SLC9A3: variants seen among roughly 807,000 people sequenced by gnomAD.
SLC9A3 encodes the protein sodium/hydrogen exchanger 3.
A neutral mutation model predicts 86.8 loss-of-function variants in SLC9A3; 37 were observed. The ratio of observed to expected loss-of-function variants is 0.43; its 90% confidence interval spans 0.33 to 0.56. The LOEUF is 0.56. Ranked by LOEUF, SLC9A3 falls within the 20% of genes least tolerant of loss-of-function variation. The pLI is 0.06. For synonymous variants in SLC9A3, 581 were observed against 528.3 expected (o/e 1.10, Z -1.37); for missense variants, 1,011 against 1,171.9 (o/e 0.86, Z 2.00).
intron 1 of SLC9A3, among the ~76,000 whole-genome samples, chr5:507,424 C>A (rs1740650952): frequency 6.6e-6 from 1 of 151,498 alleles, no homozygotes; most frequent in South Asian, 2.1e-4. Context: ...CACCACCAGG[C>A]CTGGCTAATT....
At chr5:519,669 C>T (rs1203595628) in intron 1 of SLC9A3, among the ~76,000 whole-genome samples, 2 of 152,174 alleles carry the variant, frequency 1.3e-5, no homozygotes, top group Non-Finnish European at 2.9e-5. Flanking sequence ...CAAGGAAGCA[C>T]CCAGTGCCTC....
intron 11 of SLC9A3, 182 bp downstream of exon 11, chr5:477,150 G>A: frequency 1.8e-6 from 1 of 563,030 alleles, no homozygotes; most frequent in Non-Finnish European, 3.2e-6. Flanking sequence ...CCAGCACTAA[G>A]GGAGTCTGGC....
intron 1 of SLC9A3, among the ~76,000 whole-genome samples, chr5:516,693 A>G (rs2434389): frequency 0.89 from 135,456 of 152,264 alleles, 60,523 homozygotes; most frequent in Non-Finnish European, 0.91. Flanking sequence ...CCCACTCCTG[A>G]GAGAGCTCTG....
Position 471,685 on chromosome 5 carries a change from G to T in SLC9A3, c.*1694C>A. The T allele has an allele frequency of 2.3e-6, 1 of 435,422 alleles. No individual in the cohort carries two copies. The highest frequency in any genetic ancestry group is 1.6e-5 in the South Asian group (1 of 61,758). 27.0% of individuals were successfully genotyped at this position (435,422 alleles called of 1,614,324 possible). On this transcript the variant is annotated 3_prime_UTR_variant, in exon 17 of 17. Coordinates refer to ENST00000264938, the MANE Select transcript of SLC9A3 (RefSeq NM_004174.4). ...TTTGTGCTCAGAGTTGGTTGAAATG[G>T]CTACGAAGTGTGGAGAATAACCACT... is the stretch of plus-strand genomic sequence containing the variant.
At chr5:488,247 A>C in intron 3 of SLC9A3, 69 bp downstream of exon 3, 14 of 1,554,468 alleles carry the variant, frequency 9.0e-6, no homozygotes, top group Non-Finnish European at 1.1e-5. Context: ...TGACTGACCG[A>C]TGGGGGGTGA....
At chr5:485,691 G>A (rs937384387) in intron 3 of SLC9A3, among the ~76,000 whole-genome samples, 3 of 152,276 alleles carry the variant, frequency 2.0e-5, no homozygotes, top group Non-Finnish European at 4.4e-5. Context: ...TCCACGCCCA[G>A]CAAAGTGGTG....
intron 1 of SLC9A3, among the ~76,000 whole-genome samples, chr5:522,499 C>G (rs1448651873): frequency 6.6e-6 from 1 of 152,214 alleles, no homozygotes; most frequent in African/African-American, 2.4e-5. Context: ...GTGGCTCACG[C>G]CTGTCATCCC....
chr5:523,497 G>A (rs1733944499), intron 1 of SLC9A3, among the ~76,000 whole-genome samples: 1 of 151,796 alleles, frequency 6.6e-6, no homozygotes, highest in South Asian at 2.1e-4. Context: ...GAGCTCCTCA[G>A]GAAGCTGACC....
rs755985428 is a variant in SLC9A3, at chr5:488,491, G to A, written c.515-15C>T. ...CTGCAGGTCGCCTGGAAGACAAGCCGGGCCGCGGGGCAGCTGCAGGGCCTG... is the reference window on the plus strand; with the variant it reads ...CTGCAGGTCGCCTGGAAGACAAGCCAGGCCGCGGGGCAGCTGCAGGGCCTG... On this transcript the variant is annotated splice_polypyrimidine_tract_variant and intron_variant, in intron 2 of 16. Transcript: ENST00000264938. 3.1e-5 allele frequency: 47 copies of A among 1,530,404 alleles called. No individual in the cohort carries two copies. The highest frequency in any genetic ancestry group is 1.6e-4 in the South Asian group (13 of 79,812). The allele number at this position is 1,530,404 out of a possible 1,614,324, so 94.8% of individuals were successfully genotyped here.
At chr5:513,930 C>T (rs1412556430) in intron 1 of SLC9A3, among the ~76,000 whole-genome samples, 4 of 152,232 alleles carry the variant, frequency 2.6e-5, no homozygotes, top group African/African-American at 9.6e-5. Flanking sequence ...AGGCGGGCCA[C>T]GCACAGCCAC....
chr5:473,044 C>A lies in SLC9A3; in HGVS notation c.*335G>T, dbSNP rs913870990. On this transcript the variant is annotated 3_prime_UTR_variant, in exon 17 of 17. Coordinates refer to ENST00000264938, the MANE Select transcript of SLC9A3 (RefSeq NM_004174.4). ...GGCAGCGACGCCAGCTTCAGCAGCG[C>A]GGGGCGGCGGCGCGCGCGAGGCCGC... 5 of 353,380 alleles carry A rather than the reference C, an allele frequency of 1.4e-5. No homozygotes were observed. Among genetic ancestry groups the A allele is most frequent in the African/African-American group, 2.2e-5 (1 of 45,440 alleles). 21.9% of individuals were successfully genotyped at this position (353,380 alleles called of 1,614,324 possible). A position where few individuals can be genotyped will look rare whatever the true frequency, so the allele number is the denominator to read the frequency against.
At chr5:475,211 G>C in intron 15 of SLC9A3, 79 bp from the exon 16 acceptor site, 1 of 1,446,770 alleles carries the variant, frequency 6.9e-7, no homozygotes, top group Non-Finnish European at 9.3e-7. Context: ...GCCGTCACCT[G>C]CTGGGTGCCT....
Position 497,803 on chromosome 5 carries a change from C to T in SLC9A3, c.212-5732G>A, listed in dbSNP as rs1297220292. On this transcript the variant is annotated intron_variant, in intron 1 of 16. Coordinates refer to ENST00000264938, the MANE Select transcript of SLC9A3 (RefSeq NM_004174.4). This position sits in a 1 kb window ranked among gnomAD's most constrained non-coding sequence, Gnocchi z 5.4. ...GCATCCCCAGCCTCTGCCCCTGTCC[C>T]GGGTGGGGTCGCCCGGCCGCATCCC... Among the ~76,000 whole-genome samples the T allele has an allele frequency of 2.8e-5, 1 of 35,354 alleles. No homozygotes were observed. Among genetic ancestry groups the T allele is most frequent in the Non-Finnish European group, 6.0e-5 (1 of 16,626 alleles). The allele number at this position is 35,354 out of a possible 152,430, so 23.2% of individuals were successfully genotyped here.
At chr5:486,697 C>G (rs1739487030) in intron 3 of SLC9A3, among the ~76,000 whole-genome samples, 1 of 152,212 alleles carries the variant, frequency 6.6e-6, no homozygotes, top group African/African-American at 2.4e-5. Context: ...GAGTATGGCA[C>G]AGTCAGGTCA....
chr5:481,058 G>A (rs1051451530), intron 9 of SLC9A3, among the ~76,000 whole-genome samples: 3 of 152,076 alleles, frequency 2.0e-5, no homozygotes, highest in East Asian at 1.9e-4. Flanking sequence ...CCTGGCTAAT[G>A]TTTGTATTTT....
chr5:503,369 C>T (rs6420045), intron 1 of SLC9A3, among the ~76,000 whole-genome samples: 130,866 of 152,154 alleles, frequency 0.86, 56,634 homozygotes, highest in Non-Finnish European at 0.9. Context: ...AACCCCTTCT[C>T]GACAAAATAA....
At position 472,041 on chromosome 5, in the gene SLC9A3, A is replaced by G. The variant is rs1277317461; in HGVS notation, c.*1338T>C. 4 of 455,136 alleles carry G rather than the reference A, an allele frequency of 8.8e-6. No individual in the cohort carries two copies. Among genetic ancestry groups the G allele is most frequent in the Non-Finnish European group, 1.8e-5 (4 of 226,076 alleles). 28.2% of individuals were successfully genotyped at this position (455,136 alleles called of 1,614,324 possible). A position where few individuals can be genotyped will look rare whatever the true frequency, so the allele number is the denominator to read the frequency against. Reference sequence around the variant, plus strand: ...TTTAGAAAAGCCCCTAGGAGTGTCCACCTCCACCACTTCCACCGTGCAGGC... The same window carrying G: ...TTTAGAAAAGCCCCTAGGAGTGTCCGCCTCCACCACTTCCACCGTGCAGGC... On this transcript the variant is annotated 3_prime_UTR_variant, in exon 17 of 17. Coordinates refer to ENST00000264938, the MANE Select transcript of SLC9A3 (RefSeq NM_004174.4).
chr5:506,025 A>G (rs1299373372), intron 1 of SLC9A3, among the ~76,000 whole-genome samples: 1 of 151,972 alleles, frequency 6.6e-6, no homozygotes, highest in African/African-American at 2.4e-5. Context: ...GCTGACCTTT[A>G]TCCCTCAGGA....
chr5:473,809 G>A (rs2126599954), intron 16 of SLC9A3, among the ~76,000 whole-genome samples: 1 of 152,352 alleles, frequency 6.6e-6, no homozygotes, highest in Admixed American at 6.5e-5. Context: ...CTCTGAGCTG[G>A]AGGCAGAGTC....
Sources: gnomAD v4.1 joint callset for allele counts (sites outside exome capture counted in the v4.1 genomes callset) on GRCh38, gnomAD v4.1.1 for gene constraint, Gnocchi (gnomAD v3.1) non-coding constraint, MANE v1.5 for transcripts, NCBI Gene and HGNC (gene_info 2026-07-23, HGNC 2026-07-21) for gene names.